The following FAAH2 variants were observed in gnomAD, a reference collection of about 807,000 sequenced individuals.
FAAH2 encodes fatty acid amide hydrolase 2.
FAAH2 carries 60 observed loss-of-function variants against 36.9 expected under a neutral mutation model. The observed-to-expected ratio is 1.63, with a 90% CI of 1.32 to 2.02. The LOEUF (loss-of-function observed/expected upper bound fraction) is 2.02, where lower values mean the gene tolerates loss of function less well. Ranked by LOEUF, FAAH2 falls within the 30% of genes most tolerant of loss-of-function variation. FAAH2 has a pLI of 0.00. For synonymous variants in FAAH2, 214 were observed against 143.8 expected (o/e 1.49, Z -3.49); for missense variants, 689 against 397.5 (o/e 1.73, Z -6.23).
At position 57,336,282 on chromosome X, in the gene FAAH2, C is replaced by G. The variant is rs138005376; in HGVS notation, c.622+4475C>G. ...TTCTGCCCGCCAGAGAAGAACCCCT[C>G]TTTGACTGTAATTTTCCTTTACCTA... On this transcript the variant is annotated intron_variant, in intron 4 of 10. Transcript: ENST00000374900. 5.4e-5 allele frequency among the ~76,000 whole-genome samples: 6 copies of G among 110,596 alleles called. No individual in the cohort carries two copies. The East Asian group carries it at 1.7e-3, about 32-fold the overall frequency.
At chrX:57,362,223 A>G (rs2054302976) in intron 5 of FAAH2, among the ~76,000 whole-genome samples, 1 of 111,260 alleles carries the variant, frequency 9.0e-6, no homozygotes, top group African/African-American at 3.3e-5. Context: ...GAAGCTGCAA[A>G]CCATCATTCT....
At chrX:57,463,294 A>C (rs2056993173) in intron 10 of FAAH2, among the ~76,000 whole-genome samples, 1 of 111,288 alleles carries the variant, frequency 9.0e-6, no homozygotes, top group Non-Finnish European at 1.9e-5. Context: ...TCTTCACAGA[A>C]CTAGAAAAAA....
the FAAH2 span, among the ~76,000 whole-genome samples, chrX:57,185,551 C>T: frequency 5.2e-4 from 53 of 102,032 alleles, 1 homozygote; most frequent in Admixed American, 4.1e-3. Flanking sequence ...TGTGTGTGTG[C>T]GTGTTTTACT....
chrX:57,160,538 G>A, the FAAH2 span, among the ~76,000 whole-genome samples: 1 of 112,028 alleles, frequency 8.9e-6, no homozygotes, highest in Non-Finnish European at 1.9e-5. Context: ...GTTCTATGCA[G>A]AGATTCAACT....
intron 10 of FAAH2, among the ~76,000 whole-genome samples, chrX:57,467,937 C>G (rs1602763390): frequency 8.9e-6 from 1 of 111,843 alleles, no homozygotes; most frequent in African/African-American, 3.2e-5. Context: ...ATTTGCTGTT[C>G]AGCAATATTC....
the FAAH2 span, among the ~76,000 whole-genome samples, chrX:57,152,057 C>T: frequency 8.9e-6 from 1 of 111,947 alleles, no homozygotes; most frequent in East Asian, 2.8e-4. Flanking sequence ...GCAGTGGCTG[C>T]AGAACAGCAG....
In FAAH2 at chrX:57,286,896, T is replaced by C. The variant is rs2051822346; in HGVS notation, c.71T>C (p.Val24Ala). 2 of 1,202,650 alleles carry C rather than the reference T, an allele frequency of 1.7e-6. No homozygotes were observed. Among genetic ancestry groups the C allele is most frequent in the Non-Finnish European group, 2.2e-6 (2 of 891,842 alleles). ...GCGCTAGGCTTTCTCATAGGCTTAG[T>C]AGGCCGAGCAGCTTTAGTCTTAGGG... Reference protein sequence around the residue: ...LRALGFLIGLVGRAALVLGGP... With the variant: ...LRALGFLIGLAGRAALVLGGP... The change falls in exon 1 of 11, where the codon GTA (valine) becomes GCA (alanine). Residue 24 changes from valine (V) to alanine (A), a missense_variant. Physicochemically the swap from Val to Ala is moderately conservative, Grantham distance 64. Coordinates refer to ENST00000374900, the MANE Select transcript of FAAH2 (RefSeq NM_174912.4).
At chrX:57,331,483 C>A (rs2053404003) in intron 3 of FAAH2, 115 bp from the exon 4 acceptor site, 3 of 568,593 alleles carry the variant, frequency 5.3e-6, no homozygotes, top group East Asian at 3.6e-5. Context: ...AATGCCCCAA[C>A]CCTTTGTGGG....
chrX:57,267,100 G>A, the FAAH2 span, among the ~76,000 whole-genome samples: 34 of 112,189 alleles, frequency 3.0e-4, no homozygotes, highest in Middle Eastern at 9.2e-3. Context: ...GACCATGCCT[G>A]TCCCATGGAA....
the FAAH2 span, among the ~76,000 whole-genome samples, chrX:57,188,144 G>A: frequency 5.4e-5 from 6 of 111,065 alleles, no homozygotes; most frequent in East Asian, 2.8e-4. Context: ...TAGTACTATC[G>A]CCTCTTTGTA....
chrX:57,315,868 C>G (rs1448018282), intron 3 of FAAH2, among the ~76,000 whole-genome samples: 1 of 110,858 alleles, frequency 9.0e-6, no homozygotes, highest in Non-Finnish European at 1.9e-5. Flanking sequence ...AGTGCCCACT[C>G]TCACTACTCC....
chrX:57,185,905 T>C, the FAAH2 span, among the ~76,000 whole-genome samples: 1 of 111,732 alleles, frequency 8.9e-6, no homozygotes, highest in Non-Finnish European at 1.9e-5. Flanking sequence ...CTCATTCTTT[T>C]TTATGGCTGT....
intron 8 of FAAH2, among the ~76,000 whole-genome samples, chrX:57,437,009 A>G (rs1008157412): frequency 1.1e-4 from 12 of 111,191 alleles, no homozygotes; most frequent in African/African-American, 3.6e-4. Flanking sequence ...CAAATTCAAC[A>G]TCATAACAAA....
chrX:57,467,170 T>C (rs769504604), intron 10 of FAAH2, among the ~76,000 whole-genome samples: 22 of 111,384 alleles, frequency 2.0e-4, no homozygotes, highest in African/African-American at 6.8e-4. Context: ...GCTCCCAGCA[T>C]GAGCGACGCA....
chrX:57,394,555 T>C, intron 7 of FAAH2: 2 of 1,207,806 alleles, frequency 1.7e-6, no homozygotes, highest in South Asian at 3.5e-5. Context: ...CTGGCTTAAA[T>C]TTCTCCAGGA....
the FAAH2 span, among the ~76,000 whole-genome samples, chrX:57,158,261 G>A: frequency 4.5e-5 from 5 of 111,836 alleles, no homozygotes; most frequent in African/African-American, 1.6e-4. Context: ...TTGGACATTT[G>A]GGTTGGTTCC....
the FAAH2 span, among the ~76,000 whole-genome samples, chrX:57,212,848 A>G: frequency 8.9e-6 from 1 of 111,760 alleles, no homozygotes; most frequent in South Asian, 3.7e-4. Context: ...TCCTAGAATG[A>G]GTTAGTATTT....
chrX:57,308,131 CTATT>C (rs371979272), intron 2 of FAAH2, among the ~76,000 whole-genome samples: 1,471 of 111,201 alleles, frequency 0.013, 16 homozygotes, highest in African/African-American at 0.046. Flanking sequence ...TTTGGTAAAA[CTATT>C]TATTTTCTTT....
At chrX:57,359,804 A>G (rs748979058) in intron 5 of FAAH2, among the ~76,000 whole-genome samples, 1 of 111,667 alleles carries the variant, frequency 9.0e-6, no homozygotes, top group South Asian at 3.7e-4. Flanking sequence ...TATGTTGCTA[A>G]CAAGTGTCTT....
Sources: allele counts gnomAD v4.1 joint callset (sites outside exome capture counted in the v4.1 genomes callset), GRCh38; gene constraint gnomAD v4.1.1; transcripts MANE v1.5; gene names NCBI Gene and HGNC (gene_info 2026-07-23, HGNC 2026-07-21).